TMIGD3: variants seen among roughly 807,000 people sequenced by gnomAD.
TMIGD3 encodes the protein AD026 protein (AD026).
A neutral mutation model predicts 28.1 loss-of-function variants in TMIGD3; 21 were observed. The observed-to-expected ratio is 0.75, with a 90% CI of 0.53 to 1.08. The LOEUF (loss-of-function observed/expected upper bound fraction) is 1.08, where lower values mean the gene tolerates loss of function less well. Ranked by LOEUF, TMIGD3 falls within the 50% of genes least tolerant of loss-of-function variation. TMIGD3 has a pLI of 0.00. For synonymous variants in TMIGD3, 151 were observed against 162.1 expected, an observed-to-expected ratio of 0.93 and a Z score of 0.52; for missense variants, 416 against 435.6, an observed-to-expected ratio of 0.96 and a Z score of 0.40.
At chr1:111,529,193 T>C (rs1656367543) in intron 1 of TMIGD3, among the ~76,000 whole-genome samples, 1 of 151,904 alleles carries the variant, frequency 6.6e-6, no homozygotes, top group Admixed American at 6.5e-5. Context: ...CCATATTGTC[T>C]CTATCATAGA....
At chr1:111,512,701 C>A (rs1322000216) in intron 1 of TMIGD3, among the ~76,000 whole-genome samples, 1 of 152,188 alleles carries the variant, frequency 6.6e-6, no homozygotes, top group Non-Finnish European at 1.5e-5. Context: ...TCCACTTCCA[C>A]TTACAAGGTG....
rs993068836 is a variant in TMIGD3, at chr1:111,503,557, G to A, written c.-203C>T. On this transcript the variant is annotated 5_prime_UTR_variant, in exon 1 of 6. Coordinates refer to ENST00000369716, the MANE Select transcript of TMIGD3 (RefSeq NM_020683.7). ...TCTCCTTAGAAAGGGCTCATCACAG[G>A]TGGGTCACTTCCAGCCCCTTTATGC... 1.3e-5 allele frequency: 18 copies of A among 1,401,138 alleles called. No homozygotes were observed. Among genetic ancestry groups the A allele is most frequent in the Admixed American group, 1.2e-4 (4 of 33,848 alleles). 86.8% of individuals were successfully genotyped at this position (1,401,138 alleles called of 1,614,324 possible).
intron 1 of TMIGD3, among the ~76,000 whole-genome samples, chr1:111,544,542 C>A (rs1400754216): frequency 6.6e-6 from 1 of 152,096 alleles, no homozygotes; most frequent in Non-Finnish European, 1.5e-5. Context: ...ATCAGTATAT[C>A]AGTCATTTTT....
At chr1:111,518,488 AG>A (rs1160142082) in intron 1 of TMIGD3, among the ~76,000 whole-genome samples, 1 of 152,348 alleles carries the variant, frequency 6.6e-6, no homozygotes, top group East Asian at 1.9e-4. Context: ...GACAATCAAA[AG>A]CGTCTCCAGA....
intron 4 of TMIGD3, 25 bp from the exon 5 acceptor site, chr1:111,485,865 A>C: frequency 8.3e-6 from 13 of 1,571,668 alleles, no homozygotes; most frequent in African/African-American, 1.4e-5. Flanking sequence ...AGCAGATTTC[A>C]TGTTGCTTGG....
At chr1:111,554,204 T>C (rs1248045968) in intron 1 of TMIGD3, among the ~76,000 whole-genome samples, 1 of 152,178 alleles carries the variant, frequency 6.6e-6, no homozygotes, top group East Asian at 1.9e-4. Flanking sequence ...CTTGTGAAAA[T>C]TGAATTAACA....
At chr1:111,548,654 T>A (rs1657130555) in intron 1 of TMIGD3, among the ~76,000 whole-genome samples, 1 of 152,178 alleles carries the variant, frequency 6.6e-6, no homozygotes, top group African/African-American at 2.4e-5. Flanking sequence ...CAAACAAGAT[T>A]AATTTTTTCC....
Position 111,502,269 on chromosome 1 carries a change from T to TAC in TMIGD3, c.350+735_350+736insGT, listed in dbSNP as rs1187211157. 2.1e-4 allele frequency among the ~76,000 whole-genome samples: 17 copies of TAC among 81,798 alleles called. 4 individuals are homozygous for TAC. The highest frequency in any genetic ancestry group is 1.6e-3 in the South Asian group (4 of 2,570). 53.7% of individuals were successfully genotyped at this position (81,798 alleles called of 152,430 possible). ...TATTTATTATAATAAATATATAGGATATATATTCATTATAATAAATATATA... is the reference window on the plus strand; with the variant it reads ...TATTTATTATAATAAATATATAGGATACATATATTCATTATAATAAATATATA... On this transcript the variant is annotated intron_variant, in intron 1 of 5. Transcript: ENST00000369716.
At chr1:111,489,245 G>C (rs1186031436) in intron 2 of TMIGD3, among the ~76,000 whole-genome samples, 1 of 152,078 alleles carries the variant, frequency 6.6e-6, no homozygotes, top group Admixed American at 6.5e-5. Context: ...GACTGTATTT[G>C]GATATAAGGC....
At chr1:111,530,498 G>T (rs759427445) in intron 1 of TMIGD3, among the ~76,000 whole-genome samples, 1 of 152,012 alleles carries the variant, frequency 6.6e-6, no homozygotes, top group Admixed American at 6.6e-5. Context: ...TTATTGTTGC[G>T]CAGCTCTGCT....
At chr1:111,531,438 T>A (rs1656456513) in intron 1 of TMIGD3, among the ~76,000 whole-genome samples, 1 of 152,224 alleles carries the variant, frequency 6.6e-6, no homozygotes, top group African/African-American at 2.4e-5. Context: ...TCTCCAGAAC[T>A]TCATTCAGGT....
chr1:111,516,119 G>A (rs1655857844), intron 1 of TMIGD3, among the ~76,000 whole-genome samples: 1 of 152,222 alleles, frequency 6.6e-6, no homozygotes, highest in Non-Finnish European at 1.5e-5. Context: ...ACCCCTGTTG[G>A]CAGGGCCGCG....
chr1:111,503,989 G>A (rs529128841), upstream of TMIGD3: 8 of 985,444 alleles, frequency 8.1e-6, no homozygotes, highest in East Asian at 1.1e-4. Flanking sequence ...GGAGGCAAAC[G>A]GGAGAAGCAG....
intron 1 of TMIGD3, among the ~76,000 whole-genome samples, chr1:111,501,850 C>G (rs1020336834): frequency 6.6e-6 from 1 of 151,540 alleles, no homozygotes; most frequent in Non-Finnish European, 1.5e-5. Flanking sequence ...AGAGAAGTGA[C>G]GAGAAACACG....
At chr1:111,554,647 G>A (rs372255931) in intron 1 of TMIGD3, among the ~76,000 whole-genome samples, 136 of 152,304 alleles carry the variant, frequency 8.9e-4, no homozygotes, top group African/African-American at 3.1e-3. Context: ...GGAATATGGT[G>A]AAAAAATAAT....
upstream of TMIGD3, among the ~76,000 whole-genome samples, chr1:111,505,265 G>A (rs184539780): frequency 7.2e-5 from 11 of 152,236 alleles, no homozygotes; most frequent in East Asian, 1.9e-3. Flanking sequence ...TCTCAGCTGG[G>A]TCAGAGAAAC....
intron 1 of TMIGD3, among the ~76,000 whole-genome samples, chr1:111,497,268 G>A (rs561035485): frequency 2.0e-5 from 3 of 152,074 alleles, no homozygotes; most frequent in Admixed American, 6.6e-5. Context: ...CCGCCACCAC[G>A]CCCGGCTAAT....
intron 1 of TMIGD3, chr1:111,500,422 G>A (rs1655115094): frequency 1.2e-6 from 2 of 1,614,222 alleles, no homozygotes; most frequent in East Asian, 4.5e-5. Flanking sequence ...TGAAAGGAAG[G>A]TGACATTTCT....
At chr1:111,531,361 G>A (rs112691783) in intron 1 of TMIGD3, among the ~76,000 whole-genome samples, 39 of 151,206 alleles carry the variant, frequency 2.6e-4, no homozygotes, top group African/African-American at 7.7e-4. Flanking sequence ...ATGTCTTCAC[G>A]TTTACTGATC....
Sources: allele counts gnomAD v4.1 joint callset (sites outside exome capture counted in the v4.1 genomes callset), GRCh38; gene constraint gnomAD v4.1.1; transcripts MANE v1.5; gene names NCBI Gene and HGNC (gene_info 2026-07-23, HGNC 2026-07-21).